Variants in UNC5B observed in about 807,000 individuals in gnomAD.
UNC5B encodes unc-5 netrin receptor B, also known as netrin receptor UNC5B.
UNC5B carries 56 observed loss-of-function variants against 103.7 expected under a neutral mutation model. That is an observed-to-expected ratio of 0.54 (90% confidence interval 0.44 to 0.67). UNC5B has a LOEUF of 0.67. Among genes scored for constraint, UNC5B ranks in the 30% least tolerant of loss-of-function variants. The pLI is 0.00. For synonymous variants in UNC5B, 577 were observed against 542.0 expected (o/e 1.06, Z -0.90); for missense variants, 1,194 against 1,284.5 (o/e 0.93, Z 1.08).
Position 71,213,675 on chromosome 10 carries a change from A to AATT in UNC5B, c.79+643_79+645dup, listed in dbSNP as rs5786026. Among the ~76,000 whole-genome samples the AATT allele has an allele frequency of 0.16, 21,102 of 133,080 alleles. 1,700 individuals carry two copies. Among genetic ancestry groups the AATT allele is most frequent in the Middle Eastern group, 0.2 (53 of 266 alleles). 87.3% of individuals were successfully genotyped at this position (133,080 alleles called of 152,430 possible). A position where few individuals can be genotyped will look rare whatever the true frequency, so the allele number is the denominator to read the frequency against. ...ATCGCTGGGCCCGCAGGTCTGGAAG[A>AATT]ATTATTATTATTATTATTATTATTA... On this transcript the variant is annotated intron_variant, in intron 1 of 16. Transcript: ENST00000335350. This position sits in a 1 kb window ranked among gnomAD's most constrained non-coding sequence, Gnocchi z 4.1.
chr10:71,286,273 C>T (rs1845077216), intron 4 of UNC5B, among the ~76,000 whole-genome samples: 1 of 152,182 alleles, frequency 6.6e-6, no homozygotes, highest in African/African-American at 2.4e-5. Context: ...CGTATCACCT[C>T]CCAGGCTTTT....
chr10:71,268,016 T>C (rs945897260), intron 1 of UNC5B, among the ~76,000 whole-genome samples: 1 of 152,108 alleles, frequency 6.6e-6, no homozygotes, highest in Non-Finnish European at 1.5e-5. Flanking sequence ...AGGCCTGGCC[T>C]CCCCGGGGCC....
chr10:71,282,993 G>A (rs1013111247), intron 2 of UNC5B, among the ~76,000 whole-genome samples: 8 of 152,168 alleles, frequency 5.3e-5, no homozygotes, highest in Admixed American at 5.2e-4. Context: ...GGTGGCAGGC[G>A]CCTGTAGTCC....
chr10:71,238,580 A>G (rs1191869385), intron 1 of UNC5B, among the ~76,000 whole-genome samples: 1 of 151,772 alleles, frequency 6.6e-6, no homozygotes, highest in Non-Finnish European at 1.5e-5. Context: ...TCAGCTTCCC[A>G]AGTAGTTGGG....
At chr10:71,281,024 A>G (rs959487886) in intron 2 of UNC5B, among the ~76,000 whole-genome samples, 1 of 150,362 alleles carries the variant, frequency 6.7e-6, no homozygotes, top group African/African-American at 2.5e-5. Context: ...TCTTTTCCCT[A>G]TGTGCCTGTT....
intron 1 of UNC5B, among the ~76,000 whole-genome samples, chr10:71,255,592 G>A (rs562591671): frequency 2.0e-5 from 3 of 152,298 alleles, no homozygotes; most frequent in South Asian, 2.1e-4. Context: ...CTCCTTGTTC[G>A]TAATTAGCGC....
intron 1 of UNC5B, among the ~76,000 whole-genome samples, chr10:71,270,656 TC>T (rs1266943608): frequency 1.3e-5 from 2 of 152,058 alleles, no homozygotes; most frequent in Non-Finnish European, 2.9e-5. Context: ...GTGAGGCACA[TC>T]TTCCAGGTTC....
chr10:71,296,876 ACACCACGC>A (rs1845445080), intron 15 of UNC5B, 134 bp downstream of exon 15: 1 of 548,502 alleles, frequency 1.8e-6, no homozygotes, highest in African/African-American at 2.2e-5. Flanking sequence ...TTCCAGCTGC[ACACCACGC>A]TGGCGGAGGT....
At chr10:71,278,555 T>C (rs960113131) in intron 1 of UNC5B, among the ~76,000 whole-genome samples, 2 of 152,216 alleles carry the variant, frequency 1.3e-5, no homozygotes, top group Non-Finnish European at 2.9e-5. Context: ...GGTCTCCTGG[T>C]CCACAAAGAG....
chr10:71,279,898 G>A lies in UNC5B; in HGVS notation c.157G>A (p.Glu53Lys), dbSNP rs1194754683. Residue 53 changes from glutamate to lysine, a missense_variant, in exon 2 of 17, where the codon GAG (glutamate) becomes AAG (lysine). By Grantham distance (56) the Glu-to-Lys change is moderately conservative (BLOSUM62 1). Coordinates refer to ENST00000335350, the MANE Select transcript of UNC5B (RefSeq NM_170744.5). ...PAEPLPYFLQ[E>K]PQDAYIVKNK... ...AGAGCCGCTGCCCTACTTCCTGCAG[G>A]AGCCACAGGACGCCTACATTGTGAA... 6 of 1,613,862 alleles carry A rather than the reference G, an allele frequency of 3.7e-6. No homozygotes were observed. Among genetic ancestry groups the A allele is most frequent in the Non-Finnish European group, 5.1e-6 (6 of 1,180,006 alleles).
intron 1 of UNC5B, among the ~76,000 whole-genome samples, chr10:71,235,832 G>A (rs534031087): frequency 1.2e-4 from 19 of 152,348 alleles, no homozygotes; most frequent in African/African-American, 4.1e-4. Flanking sequence ...GAGCCCTAGA[G>A]AGCACCTGGT....
chr10:71,248,867 TCACACACA>T (rs56852987), intron 1 of UNC5B, among the ~76,000 whole-genome samples: 715 of 26,590 alleles, frequency 0.027, 5 homozygotes, highest in South Asian at 0.086. Flanking sequence ...TCTCTCTCTC[TCACACACA>T]CACACACACA....
intron 1 of UNC5B, among the ~76,000 whole-genome samples, chr10:71,258,334 G>T (rs1234880871): frequency 6.6e-6 from 1 of 152,186 alleles, no homozygotes; most frequent in Non-Finnish European, 1.5e-5. Context: ...ATTGCCTCAG[G>T]CTTGTCTCTG....
intron 15 of UNC5B, among the ~76,000 whole-genome samples, chr10:71,297,300 C>T (rs76795338): frequency 0.035 from 5,313 of 152,352 alleles, 144 homozygotes; most frequent in African/African-American, 0.078. Flanking sequence ...CAGATATCAT[C>T]CCCACCTGGG....
chr10:71,212,659 C>G lies in UNC5B; in HGVS notation c.-327C>G, dbSNP rs977672159. ...GGCGCGCACTGGGGCTGGGACTGCGCGGCGCCGCCGCTGCGAGCGCCACTG... is the reference window on the plus strand; with the variant it reads ...GGCGCGCACTGGGGCTGGGACTGCGGGGCGCCGCCGCTGCGAGCGCCACTG... On this transcript the variant is annotated 5_prime_UTR_variant, in exon 1 of 17. Transcript: ENST00000335350. 1 of 215,512 alleles carries G rather than the reference C, an allele frequency of 4.6e-6. No individual in the cohort carries two copies. The highest frequency in any genetic ancestry group is 5.9e-5 in the Admixed American group (1 of 16,886). The allele number at this position is 215,512 out of a possible 1,614,324, so 13.3% of individuals were successfully genotyped here. A position where few individuals can be genotyped will look rare whatever the true frequency, so the allele number is the denominator to read the frequency against.
At chr10:71,246,156 C>T (rs1225643729) in intron 1 of UNC5B, among the ~76,000 whole-genome samples, 2 of 152,158 alleles carry the variant, frequency 1.3e-5, no homozygotes, top group East Asian at 3.9e-4. Context: ...TTCAGAAGCC[C>T]AGCAGTTGGT....
chr10:71,234,740 G>A (rs1201760034), intron 1 of UNC5B, among the ~76,000 whole-genome samples: 1 of 152,252 alleles, frequency 6.6e-6, no homozygotes, highest in East Asian at 1.9e-4. Context: ...CCAGAGTCTT[G>A]TGGCTAAGAC....
chr10:71,266,948 T>C (rs1229905368), intron 1 of UNC5B, among the ~76,000 whole-genome samples: 1 of 152,110 alleles, frequency 6.6e-6, no homozygotes, highest in African/African-American at 2.4e-5. Context: ...GTCCAGGGTG[T>C]CCACACTGTA....
intron 1 of UNC5B, among the ~76,000 whole-genome samples, chr10:71,254,721 G>A (rs536265317): frequency 6.6e-6 from 1 of 152,322 alleles, no homozygotes; most frequent in East Asian, 1.9e-4. Context: ...CAGGGTGGAT[G>A]ACCACCACCC....
Sources: gnomAD v4.1 joint callset for allele counts (sites outside exome capture counted in the v4.1 genomes callset) on GRCh38, gnomAD v4.1.1 for gene constraint, Gnocchi (gnomAD v3.1) non-coding constraint, MANE v1.5 for transcripts, NCBI Gene and HGNC (gene_info 2026-07-23, HGNC 2026-07-21) for gene names.